TCTN1: variants seen among roughly 807,000 people sequenced by gnomAD.
TCTN1 encodes the protein tectonic family member 1, also known as tectonic-1.
Under a neutral mutation model 65.8 loss-of-function variants are expected in TCTN1, and 58 were observed. That is an observed-to-expected ratio of 0.88 (90% CI 0.71 to 1.10). The LOEUF is 1.10. Ranked by LOEUF, TCTN1 falls within the 50% of genes least tolerant of loss-of-function variation. The pLI is 0.00. For synonymous variants in TCTN1, 273 were observed against 289.1 expected (o/e 0.94, Z 0.57); for missense variants, 645 against 719.4 (o/e 0.90, Z 1.18).
chr12:110,627,562 T>C (rs768052120), intron 3 of TCTN1, among the ~76,000 whole-genome samples: 5 of 152,234 alleles, frequency 3.3e-5, no homozygotes, highest in Non-Finnish European at 5.9e-5. Flanking sequence ...CGTATACTTA[T>C]CTTAAAAGTG....
At chr12:110,619,230 C>T (rs2065254137) in intron 1 of TCTN1, among the ~76,000 whole-genome samples, 1 of 151,944 alleles carries the variant, frequency 6.6e-6, no homozygotes. Context: ...GGGGGAGATT[C>T]CTACCCCGCC....
In TCTN1 at chr12:110,640,299, G is replaced by A; in HGVS notation, c.844-84G>A. The A allele has an allele frequency of 6.4e-7, 1 of 1,567,184 alleles. No individual in the cohort carries two copies. Among genetic ancestry groups the A allele is most frequent in the East Asian group, 2.2e-5 (1 of 44,574 alleles). On this transcript the variant is annotated intron_variant, in intron 7 of 14. Transcript: ENST00000397659. The surrounding 1 kb of genome is among the most constrained non-coding windows in gnomAD (Gnocchi z 4.9). The stretch of plus-strand genomic sequence containing the variant: ...CCCCCTACTTGGCCATATATCAGGG[G>A]AGGTTTCTTTCCAGTTGGTTGGTTA...
chr12:110,648,027 A>C, intron 14 of TCTN1, 134 bp downstream of exon 14: 1 of 1,360,968 alleles, frequency 7.3e-7, no homozygotes, highest in Non-Finnish European at 1.0e-6. Flanking sequence ...GCTGGAGTGC[A>C]GTGGTGTGAT....
intron 2 of TCTN1, among the ~76,000 whole-genome samples, chr12:110,621,842 G>A (rs895565436): frequency 6.6e-6 from 1 of 150,856 alleles, no homozygotes; most frequent in Non-Finnish European, 1.5e-5. Flanking sequence ...CCCTCGTTAA[G>A]AATGAGTTGA....
chr12:110,616,043 A>C (rs1479936480), intron 1 of TCTN1, among the ~76,000 whole-genome samples: 1 of 151,890 alleles, frequency 6.6e-6, no homozygotes, highest in African/African-American at 2.4e-5. Context: ...AAGTTAAATC[A>C]GTGATAAACT....
intron 9 of TCTN1, among the ~76,000 whole-genome samples, 189 bp from the exon 10 acceptor site, chr12:110,641,353 T>G (rs2066940244): frequency 6.6e-6 from 1 of 152,194 alleles, no homozygotes; most frequent in African/African-American, 2.4e-5. Flanking sequence ...CCCTTCCACA[T>G]TAGCTTGTTC....
At position 110,628,835 on chromosome 12, in the gene TCTN1, A is replaced by G; in HGVS notation, c.541A>G (p.Thr181Ala). 6.2e-7 allele frequency: 1 copy of G among 1,613,416 alleles called. No individual in the cohort carries two copies. The change falls in exon 4 of 15, where the codon ACA becomes GCA. Residue 181 changes from threonine (T) to alanine (A), a missense_variant. Coordinates refer to ENST00000397659, the MANE Select transcript of TCTN1 (RefSeq NM_001082538.3). ...AAACAATTTTGATACATTGATGAAA[A>G]CATCTGATGGTTTTACATTGAATGC... ...DENNFDTLMK[T>A]SDGFTLNAES...
chr12:110,620,996 G>A (rs2065389268), intron 2 of TCTN1, among the ~76,000 whole-genome samples: 1 of 151,864 alleles, frequency 6.6e-6, no homozygotes, highest in African/African-American at 2.4e-5. Flanking sequence ...GTAGAGGTGG[G>A]GTTTCACCAT....
At chr12:110,648,765 A>G in intron 14 of TCTN1, 1 of 284,110 alleles carries the variant, frequency 3.5e-6, no homozygotes, top group South Asian at 3.2e-5. Context: ...AGAGGAAAGA[A>G]TACAGTAGGA....
intron 12 of TCTN1, chr12:110,646,160 TG>T (rs780869250): frequency 1.3e-5 from 2 of 152,228 alleles, no homozygotes; most frequent in Non-Finnish European, 2.9e-5. Flanking sequence ...CAGCAGGTTT[TG>T]TACCAACTCT....
intron 1 of TCTN1, among the ~76,000 whole-genome samples, chr12:110,615,511 C>G (rs111310140): frequency 6.6e-6 from 1 of 152,100 alleles, no homozygotes; most frequent in Non-Finnish European, 1.5e-5. Context: ...GACAAGGTCT[C>G]GCTCTGTTAC....
Position 110,639,030 on chromosome 12 carries a change from G to T in TCTN1, c.844-1353G>T, listed in dbSNP as rs1404113868. On this transcript the variant is annotated intron_variant, in intron 7 of 14. Transcript: ENST00000397659. The surrounding 1 kb of genome is among the most constrained non-coding windows in gnomAD (Gnocchi z 4.9). Reference sequence around the variant, plus strand: ...GTCACTTTCTTCTATGAGAGGTTTTGACTCGCAGGTCTTCTTGGTCATGGG... The same window carrying T: ...GTCACTTTCTTCTATGAGAGGTTTTTACTCGCAGGTCTTCTTGGTCATGGG... Among the ~76,000 whole-genome samples, 1 of 152,194 alleles carries T rather than the reference G, an allele frequency of 6.6e-6. No homozygotes were observed. The highest frequency in any genetic ancestry group is 1.5e-5 in the Non-Finnish European group (1 of 68,032).
At position 110,629,046 on chromosome 12, in the gene TCTN1, A is replaced by G. The variant is rs2066046793; in HGVS notation, c.624+128A>G. On this transcript the variant is annotated intron_variant, in intron 4 of 14. Coordinates refer to ENST00000397659, the MANE Select transcript of TCTN1 (RefSeq NM_001082538.3). ...TTGATATTATAGACTAAAAAACTTAATGTTCATGCCTACAAATCAAAGATC... is the reference window on the plus strand; with the variant it reads ...TTGATATTATAGACTAAAAAACTTAGTGTTCATGCCTACAAATCAAAGATC... 4 of 990,198 alleles carry G rather than the reference A, an allele frequency of 4.0e-6. No homozygotes were observed. In the East Asian group the frequency reaches 1.0e-4, roughly 25 times the overall value. 61.3% of individuals were successfully genotyped at this position (990,198 alleles called of 1,614,324 possible).
chr12:110,646,976 G>A (rs781623533), intron 12 of TCTN1: 27 of 561,436 alleles, frequency 4.8e-5, no homozygotes, highest in Admixed American at 1.6e-4. Flanking sequence ...AGAAATAGGA[G>A]GAGATGGAAA....
intron 1 of TCTN1, among the ~76,000 whole-genome samples, chr12:110,617,798 G>A (rs1477156510): frequency 6.7e-6 from 1 of 150,232 alleles, no homozygotes; most frequent in Admixed American, 6.6e-5. Context: ...GTGCCACCAT[G>A]CCCGACTAAT....
At position 110,647,706 on chromosome 12, in the gene TCTN1, A is replaced by G. The variant is rs761008802; in HGVS notation, c.1636-43A>G. On this transcript the variant is annotated intron_variant, in intron 13 of 14. Coordinates refer to ENST00000397659, the MANE Select transcript of TCTN1 (RefSeq NM_001082538.3). ...AGTGTCTCATTGTTGTCATTCTGGG[A>G]GCACACTGGAGGGTGGGCCTTGCAT... 1.9e-6 allele frequency: 3 copies of G among 1,613,986 alleles called. No homozygotes were observed. In the South Asian group the frequency reaches 3.3e-5, roughly 18 times the overall value.
intron 2 of TCTN1, 82 bp from the exon 3 acceptor site, chr12:110,626,280 C>A: frequency 7.0e-7 from 1 of 1,426,388 alleles, no homozygotes; most frequent in Non-Finnish European, 9.5e-7. Context: ...ACAGTACAAG[C>A]ATCTGACAGT....
chr12:110,640,404 A>C lies in TCTN1; in HGVS notation c.865A>C (p.Ile289Leu). The C allele has an allele frequency of 1.2e-6, 2 of 1,614,108 alleles. No individual in the cohort carries two copies. Among genetic ancestry groups the C allele is most frequent in the Non-Finnish European group, 1.7e-6 (2 of 1,180,022 alleles). Residue 289 changes from isoleucine (I) to leucine (L), a missense_variant, in exon 8 of 15, where the codon ATC becomes CTC. By Grantham distance (5) the Ile-to-Leu change is conservative. Transcript: ENST00000397659. This position sits in a 1 kb window ranked among gnomAD's most constrained non-coding sequence, Gnocchi z 4.9. ...RKKVPITVQS[I>L]VIQSLNKTLT... The stretch of plus-strand genomic sequence containing the variant: ...GCAGGTCCCTATCACTGTTCAGTCC[A>C]TCGTCATTCAGTCTCTAAATAAAAC...
At chr12:110,614,922 T>G (rs912112802) in intron 1 of TCTN1, among the ~76,000 whole-genome samples, 2 of 152,240 alleles carry the variant, frequency 1.3e-5, no homozygotes, top group African/African-American at 4.8e-5. Context: ...AGGAGTCATA[T>G]GTAGGGATAA....
Sources: gnomAD v4.1 joint callset for allele counts (sites outside exome capture counted in the v4.1 genomes callset) on GRCh38, gnomAD v4.1.1 for gene constraint, Gnocchi (gnomAD v3.1) non-coding constraint, MANE v1.5 for transcripts, NCBI Gene and HGNC (gene_info 2026-07-23, HGNC 2026-07-21) for gene names.